The following MAD1L1 variants were observed in gnomAD, a reference collection of about 807,000 sequenced individuals.
The protein encoded by MAD1L1 is mitotic arrest deficient 1 like 1, also known as mitotic spindle assembly checkpoint protein MAD1.
In MAD1L1, 95 loss-of-function variants were observed where a neutral mutation model predicts 96.9. That is an observed-to-expected ratio of 0.98 (90% CI 0.83 to 1.16). The LOEUF (loss-of-function observed/expected upper bound fraction) is 1.16, where lower values mean the gene tolerates loss of function less well. Among genes scored for constraint, MAD1L1 ranks in the 50% most tolerant of loss-of-function variants. MAD1L1 has a pLI of 0.00. For missense variants in MAD1L1, 1,007 were observed against 954.4 expected, an observed-to-expected ratio of 1.06 and a Z score of -0.73; for synonymous variants, 473 against 396.6, an observed-to-expected ratio of 1.19 and a Z score of -2.29.
intron 11 of MAD1L1, among the ~76,000 whole-genome samples, chr7:2,076,231 T>C (rs1221408713): frequency 6.6e-6 from 1 of 152,176 alleles, no homozygotes; most frequent in African/African-American, 2.4e-5. Context: ...GCCTGTGTCG[T>C]CCCAAGTTCA....
intron 10 of MAD1L1, among the ~76,000 whole-genome samples, chr7:2,192,919 A>G (rs1376182190): frequency 6.6e-6 from 1 of 152,242 alleles, no homozygotes; most frequent in Non-Finnish European, 1.5e-5. Context: ...CGTTTAGAAA[A>G]GGAAAAAACT....
intron 11 of MAD1L1, among the ~76,000 whole-genome samples, chr7:2,070,412 C>T (rs977253475): frequency 2.0e-5 from 3 of 152,094 alleles, no homozygotes; most frequent in South Asian, 2.1e-4. Flanking sequence ...ACAGGTGCTC[C>T]CAGGAAGGGA....
intron 12 of MAD1L1, among the ~76,000 whole-genome samples, chr7:2,064,339 G>C (rs1421888242): frequency 2.0e-5 from 3 of 152,068 alleles, no homozygotes; most frequent in Non-Finnish European, 2.9e-5. Flanking sequence ...GGCCCTGGCA[G>C]AGTCAACTGA....
chr7:1,897,381 G>A (rs753757864), intron 18 of MAD1L1, among the ~76,000 whole-genome samples: 2 of 152,128 alleles, frequency 1.3e-5, no homozygotes, highest in Admixed American at 6.6e-5. Flanking sequence ...CACAGCCACC[G>A]CCCCCTCCAC....
chr7:1,850,110 C>T (rs73286673), intron 18 of MAD1L1, among the ~76,000 whole-genome samples: 2 of 152,276 alleles, frequency 1.3e-5, no homozygotes, highest in South Asian at 2.1e-4. Context: ...TCACCACTCT[C>T]GTTCGCCTTA....
rs535002336 is a variant in MAD1L1, at chr7:1,968,772, G to A, written c.1506-11053C>T. ...GAAACACATCACACAAGCTCGCTTC[G>A]GGGGCGTTCTAGGGACTCCTAAACA... On this transcript the variant is annotated intron_variant, in intron 15 of 18. Transcript: ENST00000265854. This position sits in a 1 kb window ranked among gnomAD's most constrained non-coding sequence, Gnocchi z 5.6. 1.1e-4 allele frequency among the ~76,000 whole-genome samples: 17 copies of A among 152,336 alleles called. No individual in the cohort carries two copies. The highest frequency in any genetic ancestry group is 3.1e-4 in the African/African-American group (13 of 41,580).
intron 5 of MAD1L1, 66 bp from the exon 6 acceptor site, chr7:2,219,522 A>G (rs565812460): frequency 2.6e-6 from 4 of 1,566,482 alleles, no homozygotes; most frequent in African/African-American, 2.7e-5. Flanking sequence ...GAGCCTGCAC[A>G]TGGAGATGAG....
intron 17 of MAD1L1, among the ~76,000 whole-genome samples, chr7:1,926,088 C>T (rs143734079): frequency 3.9e-3 from 596 of 152,206 alleles, no homozygotes; most frequent in Non-Finnish European, 6.7e-3. Flanking sequence ...CGCTACGAAC[C>T]CAGCAGGCAC....
At chr7:1,849,448 A>T (rs1583549802) in intron 18 of MAD1L1, 1 of 152,148 alleles carries the variant, frequency 6.6e-6, no homozygotes, top group Non-Finnish European at 1.5e-5. Flanking sequence ...TGCTGCCTGG[A>T]CCCCTGATGG....
At chr7:2,067,280 C>T (rs1043258399) in intron 12 of MAD1L1, among the ~76,000 whole-genome samples, 1 of 147,140 alleles carries the variant, frequency 6.8e-6, no homozygotes, top group East Asian at 2.0e-4. Context: ...CATCAGGCCA[C>T]GTTCGCAGGC....
chr7:2,161,890 G>GTATCCAACAGCTCATTGAGAAC (rs1790155457), intron 10 of MAD1L1, among the ~76,000 whole-genome samples: 1 of 147,538 alleles, frequency 6.8e-6, no homozygotes, highest in African/African-American at 2.5e-5. Flanking sequence ...TCCGGGAGGT[G>GTATCCAACAGCTCATTGAGAAC]GGGGGCAGCC....
chr7:2,026,148 T>C lies in MAD1L1; in HGVS notation c.1219-11506A>G, dbSNP rs549189001. ...GAAAAAGTAAAAGGTGCCAATGCTA[T>C]TAAACACTGGAAGCTGACATACCCG... is the stretch of plus-strand genomic sequence containing the variant. On this transcript the variant is annotated intron_variant, in intron 12 of 18. Coordinates refer to ENST00000265854, the MANE Select transcript of MAD1L1 (RefSeq NM_001013836.2). Among the ~76,000 whole-genome samples, 7 of 152,270 alleles carry C rather than the reference T, an allele frequency of 4.6e-5. No homozygotes were observed. In the East Asian group the frequency reaches 1.3e-3, roughly 29 times the overall value.
At chr7:1,912,339 G>C (rs1280974332) in intron 17 of MAD1L1, among the ~76,000 whole-genome samples, 1 of 152,236 alleles carries the variant, frequency 6.6e-6, no homozygotes, top group Non-Finnish European at 1.5e-5. Context: ...AACATGAGCT[G>C]AGAAACTCTG....
At chr7:2,063,291 G>A (rs915051105) in intron 12 of MAD1L1, among the ~76,000 whole-genome samples, 1 of 152,238 alleles carries the variant, frequency 6.6e-6, no homozygotes, top group Non-Finnish European at 1.5e-5. Context: ...GCAGAGTCCT[G>A]GGCCCCTGGG....
chr7:1,835,185 C>G, intron 18 of MAD1L1, among the ~76,000 whole-genome samples: 1 of 151,920 alleles, frequency 6.6e-6, no homozygotes, highest in African/African-American at 2.4e-5. Context: ...GAAAGGGTAT[C>G]TATGAATGAC....
intron 17 of MAD1L1, among the ~76,000 whole-genome samples, chr7:1,907,615 G>A (rs1012373374): frequency 3.9e-5 from 6 of 152,246 alleles, no homozygotes; most frequent in Admixed American, 6.5e-5. Context: ...CTGCCTGTGC[G>A]TTCACGGACA....
intron 12 of MAD1L1, among the ~76,000 whole-genome samples, chr7:2,065,790 A>T (rs1784852637): frequency 6.6e-6 from 1 of 152,142 alleles, no homozygotes; most frequent in East Asian, 1.9e-4. Context: ...CCAGTAACTG[A>T]TCTGCTGTGA....
At chr7:2,079,742 C>G in intron 11 of MAD1L1, 1 of 470,962 alleles carries the variant, frequency 2.1e-6, no homozygotes, top group Non-Finnish European at 4.4e-6. Context: ...GGGTGGGGAG[C>G]CCCGGCAAGC....
intron 11 of MAD1L1, among the ~76,000 whole-genome samples, chr7:2,104,765 A>G (rs1307488349): frequency 1.3e-5 from 2 of 152,004 alleles, no homozygotes; most frequent in Non-Finnish European, 2.9e-5. Context: ...GAAAGACCTC[A>G]CTGCCAAATC....
Sources: allele counts gnomAD v4.1 joint callset (sites outside exome capture counted in the v4.1 genomes callset), GRCh38; gene constraint gnomAD v4.1.1; non-coding constraint Gnocchi (gnomAD v3.1); transcripts MANE v1.5; gene names NCBI Gene and HGNC (gene_info 2026-07-23, HGNC 2026-07-21).